Variants in CADM2 observed in about 807,000 individuals in gnomAD.
CADM2 encodes immunoglobulin superfamily member 4D.
In CADM2, 12 loss-of-function variants were observed where a neutral mutation model predicts 49.8. The observed-to-expected ratio is 0.24, with a 90% CI of 0.15 to 0.39. The LOEUF (loss-of-function observed/expected upper bound fraction) is 0.39, where lower values mean the gene tolerates loss of function less well. CADM2 is among the 10% of genes least tolerant of loss of function. The probability of loss-of-function intolerance (pLI) is 1.00; values close to 1 mark genes in which losing one functional copy is unlikely to be tolerated. For synonymous variants in CADM2, 214 were observed against 175.4 expected (o/e 1.22, Z -1.74); for missense variants, 378 against 492.3 (o/e 0.77, Z 2.20).
rs542733216 is a variant in CADM2 at position 85,080,223 on chromosome 3, T to C, written c.61+120555T>C. Among the ~76,000 whole-genome samples, 18 of 152,098 alleles carry C rather than the reference T, an allele frequency of 1.2e-4. No homozygotes were observed. In the South Asian group the frequency reaches 3.7e-3, roughly 31 times the overall value. On this transcript the variant is annotated intron_variant, in intron 1 of 9. Coordinates refer to ENST00000383699, the MANE Select transcript of CADM2 (RefSeq NM_001167675.2). ...CAATCTTTACAACATTACATATAGATAGGAAGCTGGCTACCTTTAGAAATT... is the reference window on the plus strand; with the variant it reads ...CAATCTTTACAACATTACATATAGACAGGAAGCTGGCTACCTTTAGAAATT...
intron 1 of CADM2, among the ~76,000 whole-genome samples, chr3:85,500,423 C>T (rs1233592619): frequency 2.0e-5 from 3 of 151,934 alleles, no homozygotes; most frequent in African/African-American, 7.3e-5. Context: ...AAAGTTTCAT[C>T]TCTTAGTAAT....
intron 1 of CADM2, among the ~76,000 whole-genome samples, chr3:85,540,494 C>G (rs1052876688): frequency 6.6e-6 from 1 of 152,138 alleles, no homozygotes; most frequent in Non-Finnish European, 1.5e-5. Context: ...CAAATATGCT[C>G]ATCTGTGCTG....
intron 3 of CADM2, among the ~76,000 whole-genome samples, chr3:85,846,342 G>GT (rs1250477766): frequency 3.9e-5 from 6 of 152,064 alleles, no homozygotes; most frequent in African/African-American, 1.4e-4. Context: ...CATACCCACT[G>GT]TCCTCTAGAA....
chr3:85,028,043 G>GA (rs530112348), intron 1 of CADM2, among the ~76,000 whole-genome samples: 5 of 152,070 alleles, frequency 3.3e-5, no homozygotes, highest in Admixed American at 2.6e-4. Flanking sequence ...GGCAGAGATA[G>GA]AAAAAAACCC....
intron 1 of CADM2, among the ~76,000 whole-genome samples, chr3:85,144,377 G>A (rs1218505108): frequency 2.0e-5 from 3 of 152,064 alleles, no homozygotes; most frequent in Non-Finnish European, 2.9e-5. Flanking sequence ...TTGGGAGACC[G>A]AGGCGGGCAG....
intron 1 of CADM2, among the ~76,000 whole-genome samples, chr3:85,411,443 A>C (rs973548844): frequency 1.3e-5 from 2 of 152,218 alleles, no homozygotes; most frequent in Non-Finnish European, 2.9e-5. Flanking sequence ...AGTATACTTT[A>C]GTTTATTAAT....
chr3:85,992,358 T>C (rs564542123), intron 8 of CADM2: 68 of 152,290 alleles, frequency 4.5e-4, no homozygotes, highest in African/African-American at 1.6e-3. Context: ...ATGACCTTCC[T>C]CTGAATATGA....
At chr3:85,738,037 T>C (rs2068217723) in intron 2 of CADM2, among the ~76,000 whole-genome samples, 1 of 152,192 alleles carries the variant, frequency 6.6e-6, no homozygotes, top group South Asian at 2.1e-4. Flanking sequence ...GAATGCTATT[T>C]GGCCTGAACA....
chr3:85,606,962 A>G (rs748917173), intron 1 of CADM2, among the ~76,000 whole-genome samples: 2 of 152,100 alleles, frequency 1.3e-5, no homozygotes, highest in East Asian at 1.9e-4. Flanking sequence ...AAGATAAGAG[A>G]TGGAGAAGTC....
chr3:85,637,277 A>G (rs559419653), intron 1 of CADM2, among the ~76,000 whole-genome samples: 1 of 152,316 alleles, frequency 6.6e-6, no homozygotes, highest in African/African-American at 2.4e-5. Flanking sequence ...AATATGTTCT[A>G]GAACGTCTTG....
intron 2 of CADM2, among the ~76,000 whole-genome samples, chr3:85,777,246 T>A (rs1361715416): frequency 3.3e-5 from 5 of 149,416 alleles, no homozygotes; most frequent in African/African-American, 7.3e-5. Flanking sequence ...TTTTAAAAAA[T>A]TATTATTATT....
At chr3:85,883,852 G>A (rs891296750) in intron 4 of CADM2, among the ~76,000 whole-genome samples, 1 of 152,106 alleles carries the variant, frequency 6.6e-6, no homozygotes, top group Non-Finnish European at 1.5e-5. Context: ...GATCATGTAA[G>A]TCACCTGATA....
intron 1 of CADM2, among the ~76,000 whole-genome samples, chr3:85,334,682 AC>A (rs1025791273): frequency 6.6e-6 from 1 of 151,618 alleles, no homozygotes; most frequent in Non-Finnish European, 1.5e-5. Flanking sequence ...TCAAATGTTA[AC>A]AAAAATGCCT....
rs73127038 is a variant in CADM2 at position 85,106,240 on chromosome 3, G to A, written c.61+146572G>A. 3.0e-3 allele frequency among the ~76,000 whole-genome samples: 453 copies of A among 152,206 alleles called. 2 individuals are homozygous for A. Among genetic ancestry groups the A allele is most frequent in the African/African-American group, 0.01 (430 of 41,550 alleles). ...AACATTATGAAGGTTGCATTGATAC[G>A]ACATATCAAATTTTAATATGTAAAT... On this transcript the variant is annotated intron_variant, in intron 1 of 9. Coordinates refer to ENST00000383699, the MANE Select transcript of CADM2 (RefSeq NM_001167675.2).
chr3:85,199,370 T>TGTGTGTGAGAGAGA (rs1553694531), intron 1 of CADM2, among the ~76,000 whole-genome samples: 2 of 140,106 alleles, frequency 1.4e-5, no homozygotes, highest in African/African-American at 5.7e-5. Flanking sequence ...TGTGTGTGTA[T>TGTGTGTGAGAGAGA]GAGAGAGAGA....
intron 8 of CADM2, among the ~76,000 whole-genome samples, chr3:86,059,261 C>G (rs999499707): frequency 2.0e-5 from 3 of 151,968 alleles, no homozygotes; most frequent in African/African-American, 7.3e-5. Flanking sequence ...GAAACCCCAG[C>G]AATGATTTCA....
At chr3:85,272,777 T>C (rs898470660) in intron 1 of CADM2, among the ~76,000 whole-genome samples, 1 of 151,254 alleles carries the variant, frequency 6.6e-6, no homozygotes, top group Admixed American at 6.6e-5. Context: ...TATTCGTCCA[T>C]TCAGTCAATA....
chr3:85,124,079 C>A (rs2038950788), intron 1 of CADM2, among the ~76,000 whole-genome samples: 1 of 152,030 alleles, frequency 6.6e-6, no homozygotes, highest in South Asian at 2.1e-4. Context: ...TAATTAGGTC[C>A]CCTGTGTTTG....
At chr3:85,581,799 C>G (rs1181855696) in intron 1 of CADM2, among the ~76,000 whole-genome samples, 1 of 149,970 alleles carries the variant, frequency 6.7e-6, no homozygotes, top group Non-Finnish European at 1.5e-5. Context: ...ATCTTAAGTT[C>G]TTAGTGAGCT....
Sources: allele counts gnomAD v4.1 joint callset (sites outside exome capture counted in the v4.1 genomes callset), GRCh38; gene constraint gnomAD v4.1.1; transcripts MANE v1.5; gene names NCBI Gene and HGNC (gene_info 2026-07-23, HGNC 2026-07-21).